XYLT1: variants seen among roughly 807,000 people sequenced by gnomAD.
XYLT1 encodes the protein xylosyltransferase 1.
A neutral mutation model predicts 91.3 loss-of-function variants in XYLT1; 36 were observed. That is an observed-to-expected ratio of 0.39 (90% CI 0.30 to 0.52). The LOEUF (loss-of-function observed/expected upper bound fraction) is 0.52, where lower values mean the gene tolerates loss of function less well. Among genes scored for constraint, XYLT1 ranks in the 20% least tolerant of loss-of-function variants. The probability of loss-of-function intolerance (pLI) is 0.68; values close to 1 mark genes in which losing one functional copy is unlikely to be tolerated. For synonymous variants in XYLT1, 588 were observed against 532.0 expected (o/e 1.11, Z -1.45); for missense variants, 1,242 against 1,284.5 (o/e 0.97, Z 0.51).
chr16:17,467,183 A>T (rs933351822), intron 1 of XYLT1, among the ~76,000 whole-genome samples: 2 of 152,238 alleles, frequency 1.3e-5, no homozygotes, highest in African/African-American at 2.4e-5. Flanking sequence ...GGGAAGGGTA[A>T]TAAAAAATTA....
chr16:17,357,904 C>A (rs2141862593), intron 2 of XYLT1, 108 bp downstream of exon 2: 1 of 1,204,680 alleles, frequency 8.3e-7, no homozygotes, highest in Non-Finnish European at 1.2e-6. Flanking sequence ...CAAATGGGAC[C>A]AGGGGCAGCC....
rs754079552 is a variant in XYLT1, at chr16:17,200,597, T to C, written c.971A>G (p.Asn324Ser). 1.2e-6 allele frequency: 2 copies of C among 1,613,498 alleles called. No homozygotes were observed. Among genetic ancestry groups the C allele is most frequent in the African/African-American group, 2.7e-5 (2 of 74,776 alleles). Residue 324 changes from asparagine (N) to serine (S), a missense_variant, in exon 4 of 12, where the codon AAC becomes AGC. By Grantham distance (46) the Asn-to-Ser change is conservative. Around this residue, in one of 3 missense-constraint regions of XYLT1, gnomAD observed 294 missense variants for 376.0 expected, o/e 0.78. Coordinates refer to ENST00000261381, the MANE Select transcript of XYLT1 (RefSeq NM_022166.4). ...DEDSVEYMPA[N>S]PVRIAFVLVV... ...CAGGACAAAGGCGATTCTGACCGGGTTGGCTGGCATGTACTCCACGGAGTC... is the reference window on the plus strand; with the variant it reads ...CAGGACAAAGGCGATTCTGACCGGGCTGGCTGGCATGTACTCCACGGAGTC...
chr16:17,429,426 C>T (rs2036361841), intron 1 of XYLT1, among the ~76,000 whole-genome samples: 1 of 152,220 alleles, frequency 6.6e-6, no homozygotes. Context: ...CTCTCACCTC[C>T]AAGGATGGCG....
At chr16:17,251,279 C>T (rs1049577113) in intron 3 of XYLT1, 1 of 152,316 alleles carries the variant, frequency 6.6e-6, no homozygotes, top group Non-Finnish European at 1.5e-5. Flanking sequence ...CATCCTCACC[C>T]CTAACACCTG....
At position 17,259,402 on chromosome 16, in the gene XYLT1, T is replaced by C; in HGVS notation, c.499A>G (p.Asn167Asp). The part of the protein sequence containing the change: ...PKDFENVDNS[N>D]FAPRTQKQKH... Reference sequence around the variant, plus strand: ...TGCTTTTGAGTCCTGGGTGCGAAGTTGCTGTTGTCGACATTCTCAAAGTCT... The same window carrying C: ...TGCTTTTGAGTCCTGGGTGCGAAGTCGCTGTTGTCGACATTCTCAAAGTCT... The change falls in exon 3 of 12, where the codon AAC becomes GAC. Residue 167 changes from asparagine (N) to aspartate (D), a missense_variant. Asn to Asp is a conservative substitution (Grantham distance 23). Transcript: ENST00000261381. 1 of 1,614,172 alleles carries C rather than the reference T, an allele frequency of 6.2e-7. No individual in the cohort carries two copies.
intron 1 of XYLT1, among the ~76,000 whole-genome samples, chr16:17,416,554 T>G (rs1445253290): frequency 2.0e-5 from 3 of 152,180 alleles, no homozygotes; most frequent in Non-Finnish European, 2.9e-5. Flanking sequence ...ACAATCAGCC[T>G]GTGCAGCTAG....
chr16:17,208,414 G>A (rs569753555), intron 3 of XYLT1, among the ~76,000 whole-genome samples: 1 of 152,090 alleles, frequency 6.6e-6, no homozygotes, highest in South Asian at 2.1e-4. Context: ...GGAACCAGAA[G>A]TGTTTCCAAT....
At chr16:17,143,058 C>T (rs947149751) in intron 6 of XYLT1, among the ~76,000 whole-genome samples, 1 of 152,102 alleles carries the variant, frequency 6.6e-6, no homozygotes, top group Non-Finnish European at 1.5e-5. Context: ...GCAGGCTGGG[C>T]AGAGTTGGCA....
chr16:17,209,289 C>T (rs533457841), intron 3 of XYLT1, among the ~76,000 whole-genome samples: 44 of 152,218 alleles, frequency 2.9e-4, no homozygotes, highest in East Asian at 9.6e-4. Context: ...TTTCACTTGG[C>T]GCAGTGCCCT....
chr16:17,288,086 G>A (rs948337603), intron 2 of XYLT1, among the ~76,000 whole-genome samples: 2 of 151,544 alleles, frequency 1.3e-5, no homozygotes, highest in Non-Finnish European at 2.9e-5. Flanking sequence ...TACACCACCA[G>A]CTAATTTATT....
intron 1 of XYLT1, among the ~76,000 whole-genome samples, chr16:17,452,831 C>G (rs1419708673): frequency 2.0e-5 from 3 of 152,064 alleles, no homozygotes; most frequent in African/African-American, 7.2e-5. Flanking sequence ...AGAAAGTAGT[C>G]TTTAAAAAGA....
At chr16:17,281,259 C>T (rs1421046643) in intron 2 of XYLT1, among the ~76,000 whole-genome samples, 1 of 151,952 alleles carries the variant, frequency 6.6e-6, no homozygotes, top group Non-Finnish European at 1.5e-5. Flanking sequence ...TGTGACTCTG[C>T]TTGGCTCCAT....
chr16:17,179,695 G>A (rs1171031914), intron 5 of XYLT1, among the ~76,000 whole-genome samples: 2 of 152,218 alleles, frequency 1.3e-5, no homozygotes, highest in African/African-American at 4.8e-5. Flanking sequence ...CCAAATGACT[G>A]AAGAGCCACT....
At chr16:17,404,714 C>T (rs954834936) in intron 1 of XYLT1, among the ~76,000 whole-genome samples, 6 of 151,636 alleles carry the variant, frequency 4.0e-5, no homozygotes, top group Admixed American at 2.6e-4. Context: ...GGCGGGAGGA[C>T]GACTTGAGGT....
chr16:17,437,378 G>A (rs1596545396), intron 1 of XYLT1, among the ~76,000 whole-genome samples: 3 of 152,068 alleles, frequency 2.0e-5, no homozygotes, highest in South Asian at 2.1e-4. Context: ...TTTCAAACCC[G>A]GCATCCTCCG....
At chr16:17,185,588 G>C (rs1263947334) in intron 5 of XYLT1, among the ~76,000 whole-genome samples, 3 of 152,216 alleles carry the variant, frequency 2.0e-5, no homozygotes, top group Non-Finnish European at 2.9e-5. Flanking sequence ...TTCCAACACA[G>C]CATGTAGCTT....
At chr16:17,116,164 GAGAA>G (rs1301451238) in intron 11 of XYLT1, among the ~76,000 whole-genome samples, 1 of 152,116 alleles carries the variant, frequency 6.6e-6, no homozygotes, top group Admixed American at 6.6e-5. Flanking sequence ...TTTGAGCAGG[GAGAA>G]AGACTTTCCC....
chr16:17,367,825 A>C (rs539762252), intron 1 of XYLT1, among the ~76,000 whole-genome samples: 1 of 152,210 alleles, frequency 6.6e-6, no homozygotes, highest in Non-Finnish European at 1.5e-5. Flanking sequence ...AATCAAACCC[A>C]TCACTGTTTG....
intron 1 of XYLT1, among the ~76,000 whole-genome samples, chr16:17,377,556 C>T (rs2035618934): frequency 6.6e-6 from 1 of 152,076 alleles, no homozygotes; most frequent in Non-Finnish European, 1.5e-5. Flanking sequence ...CCAACCCCAC[C>T]CCTGCCCAAC....
Sources: allele counts gnomAD v4.1 joint callset (sites outside exome capture counted in the v4.1 genomes callset), GRCh38; gene constraint gnomAD v4.1.1; regional missense constraint gnomAD v4.1.1; transcripts MANE v1.5; gene names NCBI Gene and HGNC (gene_info 2026-07-23, HGNC 2026-07-21).